Variants in ZMPSTE24 observed in about 807,000 individuals in gnomAD.
The protein encoded by ZMPSTE24 is zinc metallopeptidase STE24.
In ZMPSTE24, 48 loss-of-function variants were observed where a neutral mutation model predicts 56.7. That is an observed-to-expected ratio of 0.85 (90% CI 0.67 to 1.08). The LOEUF is 1.08. Ranked by LOEUF, ZMPSTE24 falls within the 50% of genes least tolerant of loss-of-function variation. The probability of loss-of-function intolerance (pLI) is 0.00; values close to 1 mark genes in which losing one functional copy is unlikely to be tolerated. For missense variants in ZMPSTE24, 503 were observed against 548.7 expected, an observed-to-expected ratio of 0.92 and a Z score of 0.83; for synonymous variants, 172 against 195.2, an observed-to-expected ratio of 0.88 and a Z score of 0.99.
intron 6 of ZMPSTE24, among the ~76,000 whole-genome samples, chr1:40,278,990 A>T (rs1643700602): frequency 6.6e-6 from 1 of 152,110 alleles, no homozygotes. Context: ...CTCTACAAAA[A>T]ATTAGCCGGG....
intron 5 of ZMPSTE24, 46 bp from the exon 6 acceptor site, chr1:40,271,848 T>G (rs1461551223): frequency 6.2e-7 from 1 of 1,604,422 alleles, no homozygotes; most frequent in East Asian, 2.2e-5. Flanking sequence ...AGAATGTTTT[T>G]TCTTTAAGAA....
chr1:40,266,561 C>T (rs371368891), intron 2 of ZMPSTE24, among the ~76,000 whole-genome samples: 4 of 152,110 alleles, frequency 2.6e-5, no homozygotes, highest in African/African-American at 7.2e-5. Context: ...GGGCCCCTAC[C>T]TCACCTCTTC....
Position 40,285,919 on chromosome 1 carries a change from A to T in ZMPSTE24, c.955-6A>T, listed in dbSNP as rs761459528. 1.2e-6 allele frequency: 2 copies of T among 1,607,896 alleles called. No individual in the cohort carries two copies. The highest frequency in any genetic ancestry group is 3.4e-5 in the Admixed American group (2 of 59,692). ...AATAATTTATTTTTGATTTTTTTTT[A>T]TTCAGAATAAGAAACAAGGATGTAA... On this transcript the variant is annotated splice_polypyrimidine_tract_variant and splice_region_variant and intron_variant, in intron 7 of 9. Transcript: ENST00000372759.
At chr1:40,284,533 C>T (rs574551056) in intron 7 of ZMPSTE24, among the ~76,000 whole-genome samples, 14 of 152,072 alleles carry the variant, frequency 9.2e-5, no homozygotes, top group African/African-American at 3.1e-4. Flanking sequence ...AGGTGGATCA[C>T]CTGCAGTCAG....
At chr1:40,279,978 C>T (rs1447085958) in intron 6 of ZMPSTE24, among the ~76,000 whole-genome samples, 1 of 152,136 alleles carries the variant, frequency 6.6e-6, no homozygotes, top group Non-Finnish European at 1.5e-5. Flanking sequence ...ATCCATGTTT[C>T]GTCTCACGTC....
intron 8 of ZMPSTE24, among the ~76,000 whole-genome samples, chr1:40,286,898 T>G (rs1273690324): frequency 6.8e-6 from 1 of 146,918 alleles, no homozygotes; most frequent in Non-Finnish European, 1.5e-5. Flanking sequence ...TGACTAATTT[T>G]TTTTTGTATT....
In ZMPSTE24 at chr1:40,270,024, A is replaced by G. The variant is rs1643597726; in HGVS notation, c.524A>G (p.Gln175Arg). 9 of 1,613,868 alleles carry G rather than the reference A, an allele frequency of 5.6e-6. No homozygotes were observed. Among genetic ancestry groups the G allele is most frequent in the Non-Finnish European group, 7.6e-6 (9 of 1,179,936 alleles). ...KDAIKKFVVT[Q>R]CILLPVSSLL... ...GCAATCAAGAAATTTGTTGTGACTC[A>G]GTGTATTTTGTTGCCTGTGTCTTCA... The change falls in exon 5 of 10, where the codon CAG becomes CGG. Residue 175 changes from glutamine to arginine, a missense_variant. By Grantham distance (43) the Gln-to-Arg change is conservative (BLOSUM62 1). Coordinates refer to ENST00000372759, the MANE Select transcript of ZMPSTE24 (RefSeq NM_005857.5).
rs71577619 is a variant in ZMPSTE24, at chr1:40,273,537, A to AATATATATATATAT, written c.769+1521_769+1534dup. Among the ~76,000 whole-genome samples the AATATATATATATAT allele has an allele frequency of 1.3e-3, 16 of 12,380 alleles. 1 individual carries two copies. Among genetic ancestry groups the AATATATATATATAT allele is most frequent in the African/African-American group, 1.7e-3 (9 of 5,438 alleles). The allele number at this position is 12,380 out of a possible 152,430, so 8.1% of individuals were successfully genotyped here. A position where few individuals can be genotyped will look rare whatever the true frequency, so the allele number is the denominator to read the frequency against. ...TGTCTAAAAAAAAAAAAAAAAAAAAAATATATATATATATATATATATATA... is the reference window on the plus strand; with the variant it reads ...TGTCTAAAAAAAAAAAAAAAAAAAAAATATATATATATATATATATATATATATATATATATATA... On this transcript the variant is annotated intron_variant, in intron 6 of 9. Transcript: ENST00000372759.
chr1:40,279,777 C>T (rs774439872), intron 6 of ZMPSTE24, among the ~76,000 whole-genome samples: 5 of 152,142 alleles, frequency 3.3e-5, no homozygotes, highest in African/African-American at 4.8e-5. Context: ...TGCATCTCAT[C>T]GATTTGCTGT....
intron 7 of ZMPSTE24, among the ~76,000 whole-genome samples, chr1:40,285,171 ATCTCAGCTCACTGG>A (rs1297145972): frequency 7.2e-6 from 1 of 138,846 alleles, no homozygotes; most frequent in Admixed American, 6.8e-5. Flanking sequence ...CAATGGCGTG[ATCTCAGCTCACTGG>A]TGATCTCAGC....
intron 7 of ZMPSTE24, among the ~76,000 whole-genome samples, chr1:40,282,930 T>G (rs570007485): frequency 6.6e-6 from 1 of 152,200 alleles, no homozygotes; most frequent in South Asian, 2.1e-4. Context: ...GATACCTACA[T>G]TTTAGGGTTT....
chr1:40,259,983 G>C (rs1643478879), intron 1 of ZMPSTE24, among the ~76,000 whole-genome samples: 1 of 144,820 alleles, frequency 6.9e-6, no homozygotes, highest in South Asian at 2.2e-4. Flanking sequence ...TCCATTCTCT[G>C]TATTACATTT....
chr1:40,280,022 A>T (rs550371382), intron 6 of ZMPSTE24, among the ~76,000 whole-genome samples: 2 of 152,330 alleles, frequency 1.3e-5, no homozygotes. Flanking sequence ...GTTGTGTAAA[A>T]TAAGAGAAGA....
At chr1:40,259,305 T>TTTTA (rs998360082) in intron 1 of ZMPSTE24, 1 of 152,222 alleles carries the variant, frequency 6.6e-6, no homozygotes, top group South Asian at 2.1e-4. Context: ...AGATCTGAAC[T>TTTTA]TTTATTTATT....
In ZMPSTE24 at chr1:40,290,995, G is replaced by A; in HGVS notation, c.1201G>A (p.Glu401Lys). 1 of 1,613,766 alleles carries A rather than the reference G, an allele frequency of 6.2e-7. No individual in the cohort carries two copies. The highest frequency in any genetic ancestry group is 8.5e-7 in the Non-Finnish European group (1 of 1,179,878). Residue 401 changes from glutamate (E) to lysine (K), a missense_variant and splice_region_variant, in exon 9 of 10, where the codon GAG becomes AAG. Physicochemically the swap from Glu to Lys is moderately conservative, Grantham distance 56 (BLOSUM62 1). Transcript: ENST00000372759. ...CCAGTTTATTTTTTCACCTTACAAT[G>A]AGGTAATGTATGATCTTTAAAATTA... The part of the protein sequence containing the change: ...IFQFIFSPYN[E>K]VLSFCLTVLS...
chr1:40,273,531 A>ATAT (rs1349155699), intron 6 of ZMPSTE24, among the ~76,000 whole-genome samples: 4 of 63,844 alleles, frequency 6.3e-5, no homozygotes, highest in South Asian at 5.9e-4. Flanking sequence ...AAAAAAAAAA[A>ATAT]AAAAAAATAT....
intron 8 of ZMPSTE24, among the ~76,000 whole-genome samples, chr1:40,287,046 T>C (rs1643795027): frequency 6.8e-6 from 1 of 147,996 alleles, no homozygotes; most frequent in Non-Finnish European, 1.5e-5. Flanking sequence ...GAATGCTTTT[T>C]AAAAAACATT....
At position 40,258,400 on chromosome 1, in the gene ZMPSTE24, C is replaced by A. The variant is rs1480749609; in HGVS notation, c.123+6C>A. ...CCTTCCTAGCACAGCGGCAGGTGAG[C>A]CTAGACAGGGTCCAACCTGACCCCC... On this transcript the variant is annotated splice_donor_region_variant and intron_variant, in intron 1 of 9. Coordinates refer to ENST00000372759, the MANE Select transcript of ZMPSTE24 (RefSeq NM_005857.5). 6.2e-7 allele frequency: 1 copy of A among 1,613,992 alleles called. No homozygotes were observed. Among genetic ancestry groups the A allele is most frequent in the Non-Finnish European group, 8.5e-7 (1 of 1,180,018 alleles).
chr1:40,282,336 TGGG>T (rs1557779986), intron 7 of ZMPSTE24, among the ~76,000 whole-genome samples: 1 of 152,140 alleles, frequency 6.6e-6, no homozygotes, highest in East Asian at 1.9e-4. Context: ...CAAGACTAAA[TGGG>T]GGAGAGGGGA....
Sources: gnomAD v4.1 joint callset for allele counts (sites outside exome capture counted in the v4.1 genomes callset) on GRCh38, gnomAD v4.1.1 for gene constraint, MANE v1.5 for transcripts, NCBI Gene and HGNC (gene_info 2026-07-23, HGNC 2026-07-21) for gene names.